The following RANBP2 variants were observed in gnomAD, a reference collection of about 807,000 sequenced individuals.
RANBP2 encodes E3 SUMO-protein ligase RanBP2.
A neutral mutation model predicts 303.6 loss-of-function variants in RANBP2; 57 were observed. That is an observed-to-expected ratio of 0.19 (90% CI 0.15 to 0.23). The LOEUF (loss-of-function observed/expected upper bound fraction) is 0.23. Ranked by LOEUF, RANBP2 falls within the 10% of genes least tolerant of loss-of-function variation. The pLI is 1.00. For missense variants in RANBP2, 3,138 were observed against 3,780.8 expected, an observed-to-expected ratio of 0.83 and a Z score of 4.46; for synonymous variants, 1,167 against 1,301.5, an observed-to-expected ratio of 0.90 and a Z score of 2.23.
At chr2:109,457,425 A>G in the RANBP2 span, among the ~76,000 whole-genome samples, 1 of 152,366 alleles carries the variant, frequency 6.6e-6, no homozygotes. Context: ...AAATAGTAAT[A>G]CACTTTAGAA....
the RANBP2 span, among the ~76,000 whole-genome samples, chr2:109,268,403 A>G: frequency 6.6e-6 from 1 of 151,986 alleles, no homozygotes; most frequent in Non-Finnish European, 1.5e-5. Flanking sequence ...AGCAGGGCTG[A>G]GAGCTGGGGT....
In RANBP2 at chr2:108,783,735, C is replaced by G; in HGVS notation, c.9509C>G (p.Ser3170Cys). 6.2e-7 allele frequency: 1 copy of G among 1,613,258 alleles called. No individual in the cohort carries two copies. Among genetic ancestry groups the G allele is most frequent in the Non-Finnish European group, 8.5e-7 (1 of 1,179,308 alleles). Reference sequence around the variant, plus strand: ...AATCAAGGCCAGAATACCAATAATTCTCAATTTGTTATAACACTGAAGAAA... The same window carrying G: ...AATCAAGGCCAGAATACCAATAATTGTCAATTTGTTATAACACTGAAGAAA... ...MANQGQNTNN[S>C]QFVITLKKAE... Residue 3170 changes from serine (S) to cysteine (C), a missense_variant, in exon 29 of 29, where the codon TCT (serine) becomes TGT (cysteine). Around this residue, in one of 20 missense-constraint regions of RANBP2, gnomAD observed 204 missense variants for 228.4 expected, o/e 0.89. Coordinates refer to ENST00000283195, the MANE Select transcript of RANBP2 (RefSeq NM_006267.5).
chr2:109,402,033 C>T, the RANBP2 span, among the ~76,000 whole-genome samples: 1 of 152,246 alleles, frequency 6.6e-6, no homozygotes, highest in Non-Finnish European at 1.5e-5. Context: ...CAGTTGCCGC[C>T]TGTCTCCCTG....
chr2:108,721,488 C>T (rs1325317025), intron 1 of RANBP2, among the ~76,000 whole-genome samples: 1 of 152,188 alleles, frequency 6.6e-6, no homozygotes, highest in Non-Finnish European at 1.5e-5. Context: ...TGTCACCCAG[C>T]TGGATGCAGT....
At chr2:109,169,467 G>T in the RANBP2 span, among the ~76,000 whole-genome samples, 2 of 152,030 alleles carry the variant, frequency 1.3e-5, no homozygotes, top group Admixed American at 6.6e-5. Context: ...TTGAATTGTC[G>T]GGGAGGAAGC....
chr2:109,135,177 G>A, the RANBP2 span, among the ~76,000 whole-genome samples: 1 of 152,202 alleles, frequency 6.6e-6, no homozygotes. Flanking sequence ...AAGTCGGTGA[G>A]CAAACGGTGA....
the RANBP2 span, among the ~76,000 whole-genome samples, chr2:109,003,901 A>G: frequency 6.6e-6 from 1 of 152,262 alleles, no homozygotes; most frequent in African/African-American, 2.4e-5. Flanking sequence ...GTTTGCCTGC[A>G]CTGGAATGGT....
chr2:109,400,371 C>T, the RANBP2 span, among the ~76,000 whole-genome samples: 4 of 152,174 alleles, frequency 2.6e-5, no homozygotes, highest in African/African-American at 9.7e-5. Context: ...CATCCACATG[C>T]ACACCTACAC....
At chr2:109,727,022 G>A in the RANBP2 span, among the ~76,000 whole-genome samples, 41 of 152,348 alleles carry the variant, frequency 2.7e-4, no homozygotes, top group African/African-American at 7.7e-4. Flanking sequence ...GGGGGCTACA[G>A]TTGGAGGCGC....
At chr2:109,464,687 A>G in the RANBP2 span, among the ~76,000 whole-genome samples, 1 of 152,182 alleles carries the variant, frequency 6.6e-6, no homozygotes, top group African/African-American at 2.4e-5. Context: ...AGGTTCAGAG[A>G]AAAACTGAGC....
the RANBP2 span, chr2:108,884,887 C>G: frequency 7.9e-4 from 119 of 151,396 alleles, no homozygotes; most frequent in Non-Finnish European, 1.0e-3. Context: ...TGAAACACCT[C>G]TGCTCTGTGG....
At chr2:109,498,113 G>T in the RANBP2 span, among the ~76,000 whole-genome samples, 4 of 152,276 alleles carry the variant, frequency 2.6e-5, no homozygotes, top group African/African-American at 9.6e-5. Context: ...TCACAGAGAC[G>T]CTGAGCTGGG....
the RANBP2 span, among the ~76,000 whole-genome samples, chr2:109,057,541 CT>C: frequency 1.3e-5 from 2 of 152,228 alleles, no homozygotes; most frequent in Non-Finnish European, 2.9e-5. Context: ...GTCTCTCTGT[CT>C]TTCTCATGGA....
the RANBP2 span, among the ~76,000 whole-genome samples, chr2:109,044,513 ACT>A: frequency 2.0e-5 from 3 of 152,046 alleles, no homozygotes; most frequent in East Asian, 1.9e-4. Context: ...ATAGAGCGAG[ACT>A]CTGTCGCAAA....
At chr2:109,187,775 A>G in the RANBP2 span, among the ~76,000 whole-genome samples, 1 of 152,222 alleles carries the variant, frequency 6.6e-6, no homozygotes, top group Non-Finnish European at 1.5e-5. Context: ...ACACAGGCAC[A>G]CAGGTGGGCT....
chr2:109,049,441 G>A, the RANBP2 span, among the ~76,000 whole-genome samples: 15 of 152,082 alleles, frequency 9.9e-5, no homozygotes, highest in Admixed American at 9.2e-4. Flanking sequence ...CATTTACGGC[G>A]AGCACTTCTC....
the RANBP2 span, among the ~76,000 whole-genome samples, chr2:109,721,355 C>T: frequency 6.6e-6 from 1 of 152,140 alleles, no homozygotes; most frequent in Non-Finnish European, 1.5e-5. Context: ...GAACACAGGA[C>T]GTGTGATTTG....
the RANBP2 span, among the ~76,000 whole-genome samples, chr2:109,366,154 T>C: frequency 2.0e-5 from 3 of 152,210 alleles, no homozygotes; most frequent in African/African-American, 7.2e-5. Flanking sequence ...GCATATATAT[T>C]TTCAAACTTT....
the RANBP2 span, chr2:109,794,694 CGCCG>C: frequency 4.0e-6 from 3 of 742,392 alleles, no homozygotes; most frequent in Non-Finnish European, 4.7e-6. Context: ...TCTGTTGAGG[CGCCG>C]GCCGGCTGGC....
Sources: allele counts gnomAD v4.1 joint callset (sites outside exome capture counted in the v4.1 genomes callset), GRCh38; gene constraint gnomAD v4.1.1; regional missense constraint gnomAD v4.1.1; transcripts MANE v1.5; gene names NCBI Gene and HGNC (gene_info 2026-07-23, HGNC 2026-07-21).